CYGB: variants seen among roughly 807,000 people sequenced by gnomAD.
CYGB encodes the protein histoglobin.
In CYGB, 13 loss-of-function variants were observed where a neutral mutation model predicts 20.7. That is an observed-to-expected ratio of 0.63 (90% CI 0.41 to 1.00). The LOEUF is 1.00. Ranked by LOEUF, CYGB falls within the 50% of genes least tolerant of loss-of-function variation. The pLI, the probability that CYGB is intolerant of heterozygous loss-of-function variation, is 0.00. For missense variants in CYGB, 218 were observed against 257.2 expected, an observed-to-expected ratio of 0.85 and a Z score of 1.04; for synonymous variants, 93 against 107.4, an observed-to-expected ratio of 0.87 and a Z score of 0.83.
exon 1 of CYGB, chr17:76,551,141 C>T (rs1268069083): frequency 1.3e-5 from 2 of 152,090 alleles, no homozygotes; most frequent in South Asian, 2.1e-4. Flanking sequence ...GTCAAAACTT[C>T]GCAGGAAGTA....
chr17:76,541,349 A>T (rs2074991360), upstream of CYGB, among the ~76,000 whole-genome samples: 1 of 152,194 alleles, frequency 6.6e-6, no homozygotes, highest in Admixed American at 6.5e-5. Context: ...ACAAAGAGTA[A>T]AAAAGATCCG....
rs2074839300 is a variant in CYGB, at chr17:76,531,336, CT to C, written c.375+123del. 7.6e-7 allele frequency: 1 copy of C among 1,308,092 alleles called. No homozygotes were observed. The highest frequency in any genetic ancestry group is 1.1e-6 in the Non-Finnish European group (1 of 950,898). 81.0% of individuals were successfully genotyped at this position (1,308,092 alleles called of 1,614,324 possible). On this transcript the variant is annotated intron_variant, in intron 2 of 3. Transcript: ENST00000293230. This position sits in a 1 kb window ranked among gnomAD's most constrained non-coding sequence, Gnocchi z 7.4. ...TCCATCCTGCTGCCGGGCACTGCCCCTCCCTCTCGCAGCCACTCCGGGGATC... is the reference window on the plus strand; with the variant it reads ...TCCATCCTGCTGCCGGGCACTGCCCCCCCTCTCGCAGCCACTCCGGGGATC...
At chr17:76,535,760 C>T (rs921187838) in intron 1 of CYGB, among the ~76,000 whole-genome samples, 1 of 152,220 alleles carries the variant, frequency 6.6e-6, no homozygotes, top group Non-Finnish European at 1.5e-5. Context: ...TCGTTTCTCC[C>T]TTGGCATCTG....
exon 1 of CYGB, chr17:76,550,880 C>G (rs576654984): frequency 6.6e-6 from 1 of 152,362 alleles, no homozygotes; most frequent in East Asian, 1.9e-4. Flanking sequence ...AGGCGCTGTG[C>G]TAAGTGCCCC....
upstream of CYGB, among the ~76,000 whole-genome samples, chr17:76,539,278 G>A (rs2074959042): frequency 6.6e-6 from 1 of 152,166 alleles, no homozygotes; most frequent in Non-Finnish European, 1.5e-5. Flanking sequence ...CTTGGGATGT[G>A]GAAAGAAAAT....
chr17:76,543,127 C>T lies in CYGB; in HGVS notation c.-53+7735G>A, dbSNP rs755225304. The T allele has an allele frequency of 7.2e-5, 34 of 470,572 alleles. No homozygotes were observed. The East Asian group carries it at 7.6e-4, about 11-fold the overall frequency. 29.1% of individuals were successfully genotyped at this position (470,572 alleles called of 1,614,324 possible). On this transcript the variant is annotated intron_variant, in intron 1 of 3. Coordinates refer to the CYGB transcript ENST00000589145. ...GGGAAGCAGCACTAGAGAAGGTAGA[C>T]GCCTCCCTCTCAGCCCGGGACCTGC...
chr17:76,549,229 G>T (rs916035526), intron 1 of CYGB, among the ~76,000 whole-genome samples: 8 of 152,178 alleles, frequency 5.3e-5, no homozygotes. Context: ...AATACATAAA[G>T]AACTTTTACA....
intron 1 of CYGB, chr17:76,545,168 C>G (rs895502596): frequency 2.2e-6 from 1 of 456,658 alleles, no homozygotes; most frequent in African/African-American, 2.0e-5. Flanking sequence ...CGGGGCCTCT[C>G]CCACCCCTGG....
chr17:76,537,565 G>A lies in CYGB; in HGVS notation c.-23C>T, dbSNP rs745839805. 1.4e-5 allele frequency: 19 copies of A among 1,318,492 alleles called. No homozygotes were observed. The highest frequency in any genetic ancestry group is 1.8e-5 in the Non-Finnish European group (18 of 1,021,492). 81.7% of individuals were successfully genotyped at this position (1,318,492 alleles called of 1,614,324 possible). A position where few individuals can be genotyped will look rare whatever the true frequency, so the allele number is the denominator to read the frequency against. On this transcript the variant is annotated 5_prime_UTR_variant, in exon 1 of 4. Transcript: ENST00000293230. ...CATGAGCAGCTCCAAGCCCAGCCCGGCTTTGCTCGGCGGCGGCGGTGGCGG... is the reference window on the plus strand; with the variant it reads ...CATGAGCAGCTCCAAGCCCAGCCCGACTTTGCTCGGCGGCGGCGGTGGCGG...
upstream of CYGB, chr17:76,542,659 G>A: frequency 6.8e-7 from 1 of 1,470,956 alleles, no homozygotes; most frequent in Admixed American, 1.7e-5. Flanking sequence ...GAGCCGGGGA[G>A]GGCAGAGGGC....
At chr17:76,549,478 TAGTA>T (rs2143212958) in intron 1 of CYGB, among the ~76,000 whole-genome samples, 1 of 152,318 alleles carries the variant, frequency 6.6e-6, no homozygotes, top group Non-Finnish European at 1.5e-5. Flanking sequence ...AGGCCGACCA[TAGTA>T]AGTACTGTCC....
chr17:76,548,600 G>T (rs1388242280), intron 1 of CYGB, among the ~76,000 whole-genome samples: 5 of 152,216 alleles, frequency 3.3e-5, no homozygotes, highest in Non-Finnish European at 1.5e-5. Flanking sequence ...CATTTGTCAA[G>T]CCCAGGTGGG....
chr17:76,540,580 C>T, upstream of CYGB: 3 of 1,613,034 alleles, frequency 1.9e-6, no homozygotes, highest in Non-Finnish European at 2.5e-6. The surrounding 1 kb of genome is among the most constrained non-coding windows in gnomAD (Gnocchi z 5.0). Flanking sequence ...GCAGGTAAGG[C>T]AGGAGTCTGG....
upstream of CYGB, among the ~76,000 whole-genome samples, chr17:76,538,809 G>A (rs1316808447): frequency 6.6e-6 from 1 of 152,254 alleles, no homozygotes; most frequent in Non-Finnish European, 1.5e-5. Flanking sequence ...GACAGGGCCT[G>A]GCAGTGTTGG....
chr17:76,529,668 C>G (rs375770500), intron 3 of CYGB: 3 of 985,430 alleles, frequency 3.0e-6, no homozygotes. Flanking sequence ...GGCAAGCCCC[C>G]TCCCCTCCTC....
intron 3 of CYGB, chr17:76,529,015 G>A: frequency 1.0e-6 from 1 of 993,780 alleles, no homozygotes; most frequent in Non-Finnish European, 1.2e-6. Flanking sequence ...CGTATTCTCG[G>A]TACACACAGC....
In CYGB at chr17:76,527,771, C is replaced by T. The variant is rs2074784491; in HGVS notation, c.*807G>A. Reference sequence around the variant, plus strand: ...GGTCGAGGTTTCTGGACTGAGGCCCCTCCCCCAGTGCGGTCATCCCACCCA... The same window carrying T: ...GGTCGAGGTTTCTGGACTGAGGCCCTTCCCCCAGTGCGGTCATCCCACCCA... On this transcript the variant is annotated 3_prime_UTR_variant, in exon 4 of 4. Coordinates refer to ENST00000293230, the MANE Select transcript of CYGB (RefSeq NM_134268.5). The T allele has an allele frequency of 2.2e-6, 1 of 453,932 alleles. No homozygotes were observed. The highest frequency in any genetic ancestry group is 4.4e-6 in the Non-Finnish European group (1 of 226,746). The allele number at this position is 453,932 out of a possible 1,614,324, so 28.1% of individuals were successfully genotyped here.
rs1254068545 is a variant in CYGB, at chr17:76,533,465, C to T, written c.144-1774G>A. On this transcript the variant is annotated intron_variant, in intron 1 of 3. Transcript: ENST00000293230. The surrounding 1 kb of genome is among the most constrained non-coding windows in gnomAD (Gnocchi z 4.5). ...TATGGCCGGGCACGGTGGCTCACGCCTATAATCCTAGCACTTTACGAGGCC... is the reference window on the plus strand; with the variant it reads ...TATGGCCGGGCACGGTGGCTCACGCTTATAATCCTAGCACTTTACGAGGCC... 1.3e-5 allele frequency among the ~76,000 whole-genome samples: 2 copies of T among 152,216 alleles called. No homozygotes were observed. Among genetic ancestry groups the T allele is most frequent in the Non-Finnish European group, 2.9e-5 (2 of 68,040 alleles).
intron 1 of CYGB, chr17:76,542,773 T>C: frequency 1.5e-6 from 1 of 677,898 alleles, no homozygotes; most frequent in South Asian, 1.7e-5. Flanking sequence ...AGTAGGCGGA[T>C]GGACTCATGC....
Sources: gnomAD v4.1 joint callset for allele counts (sites outside exome capture counted in the v4.1 genomes callset) on GRCh38, gnomAD v4.1.1 for gene constraint, Gnocchi (gnomAD v3.1) non-coding constraint, MANE v1.5 for transcripts, NCBI Gene and HGNC (gene_info 2026-07-23, HGNC 2026-07-21) for gene names.